Variants in PACRG observed in about 807,000 individuals in gnomAD.
PACRG encodes parkin coregulated.
In PACRG, 29 loss-of-function variants were observed where a neutral mutation model predicts 29.7. The observed-to-expected ratio is 0.98, with a 90% CI of 0.73 to 1.33. PACRG has a LOEUF of 1.33. Ranked by LOEUF, PACRG falls within the 40% of genes most tolerant of loss-of-function variation. The pLI, the probability that PACRG is intolerant of heterozygous loss-of-function variation, is 0.00. For synonymous variants in PACRG, 116 were observed against 118.7 expected, an observed-to-expected ratio of 0.98 and a Z score of 0.15; for missense variants, 279 against 316.2, an observed-to-expected ratio of 0.88 and a Z score of 0.89.
At chr6:163,013,902 T>C (rs1805848893) in intron 2 of PACRG, among the ~76,000 whole-genome samples, 1 of 152,016 alleles carries the variant, frequency 6.6e-6, no homozygotes, top group African/African-American at 2.4e-5. Flanking sequence ...TGGCTTTTGG[T>C]TAATTTGAAA....
chr6:162,953,697 C>T (rs796353112), intron 2 of PACRG, among the ~76,000 whole-genome samples: 34 of 151,518 alleles, frequency 2.2e-4, no homozygotes, highest in African/African-American at 7.0e-4. Flanking sequence ...CCTAACCCCC[C>T]CACACTTTCT....
intron 2 of PACRG, among the ~76,000 whole-genome samples, chr6:162,824,582 C>T (rs1023260783): frequency 2.0e-5 from 3 of 152,106 alleles, no homozygotes; most frequent in South Asian, 4.1e-4. Context: ...GTCAGAGATT[C>T]GTGTCAAGAT....
At chr6:162,866,623 A>G (rs1792318189) in intron 2 of PACRG, among the ~76,000 whole-genome samples, 1 of 152,206 alleles carries the variant, frequency 6.6e-6, no homozygotes, top group Non-Finnish European at 1.5e-5. Flanking sequence ...AAGAAAAAAA[A>G]AAATCTCTAA....
chr6:162,728,143 T>G lies in PACRG; in HGVS notation c.-93T>G. 6.9e-7 allele frequency: 1 copy of G among 1,440,876 alleles called. No homozygotes were observed. The highest frequency in any genetic ancestry group is 9.4e-7 in the Non-Finnish European group (1 of 1,061,520). The allele number at this position is 1,440,876 out of a possible 1,614,324, so 89.3% of individuals were successfully genotyped here. A position where few individuals can be genotyped will look rare whatever the true frequency, so the allele number is the denominator to read the frequency against. ...TGAATTTCTACCATTATCGCGCCTT[T>G]TGATATTTTTTTCCAGACCTCCTGC... On this transcript the variant is annotated 5_prime_UTR_variant, in exon 1 of 5. Coordinates refer to ENST00000366888, the MANE Select transcript of PACRG (RefSeq NM_001080379.2).
chr6:163,307,598 C>T (rs1477147198), intron 4 of PACRG, among the ~76,000 whole-genome samples: 1 of 152,090 alleles, frequency 6.6e-6, no homozygotes, highest in Non-Finnish European at 1.5e-5. Flanking sequence ...CTTCGGTTTC[C>T]AAGAGAACAT....
At chr6:163,143,617 T>C (rs1777644068) in intron 4 of PACRG, among the ~76,000 whole-genome samples, 2 of 152,324 alleles carry the variant, frequency 1.3e-5, no homozygotes, top group Middle Eastern at 3.4e-3. Flanking sequence ...TTACTCTGTG[T>C]GTACATATAC....
intron 2 of PACRG, among the ~76,000 whole-genome samples, chr6:163,016,755 T>C (rs1175695463): frequency 6.6e-6 from 1 of 152,052 alleles, no homozygotes; most frequent in Non-Finnish European, 1.5e-5. Flanking sequence ...AACTCTACAG[T>C]AGTTATTCAG....
At chr6:162,921,913 G>GC (rs1055120052) in intron 2 of PACRG, among the ~76,000 whole-genome samples, 1 of 152,048 alleles carries the variant, frequency 6.6e-6, no homozygotes, top group Non-Finnish European at 1.5e-5. Context: ...AAAGCCAGAG[G>GC]CCCCCCTCAC....
intron 4 of PACRG, among the ~76,000 whole-genome samples, chr6:163,170,244 C>T (rs1779008692): frequency 6.6e-6 from 1 of 152,054 alleles, no homozygotes; most frequent in Non-Finnish European, 1.5e-5. Context: ...GAGCGGGGAA[C>T]AAGAGGTCCC....
chr6:162,863,143 C>A (rs573655690), intron 2 of PACRG, among the ~76,000 whole-genome samples: 1 of 152,200 alleles, frequency 6.6e-6, no homozygotes, highest in Non-Finnish European at 1.5e-5. Flanking sequence ...GAGGGCAGCC[C>A]CTGGGCTTCA....
chr6:163,190,391 T>C (rs908708542), intron 4 of PACRG: 1 of 152,142 alleles, frequency 6.6e-6, no homozygotes. Flanking sequence ...GGTTTGAAAG[T>C]GAAAATAGAG....
chr6:162,839,115 C>G (rs1354026383), intron 2 of PACRG, among the ~76,000 whole-genome samples: 17 of 134,460 alleles, frequency 1.3e-4, no homozygotes, highest in East Asian at 6.8e-4. Flanking sequence ...CCCAGTAATG[C>G]GATGGCTGGG....
intron 4 of PACRG, among the ~76,000 whole-genome samples, chr6:163,234,885 G>C (rs1782174743): frequency 6.6e-6 from 1 of 152,196 alleles, no homozygotes; most frequent in Non-Finnish European, 1.5e-5. Context: ...TTGAGGAAGA[G>C]AGCAAGTACA....
intron 2 of PACRG, chr6:162,957,494 A>G (rs570605285): frequency 5.9e-5 from 25 of 423,308 alleles, no homozygotes; most frequent in African/African-American, 4.4e-4. Flanking sequence ...AAGGTAGTCA[A>G]TTCTATTACA....
intron 4 of PACRG, among the ~76,000 whole-genome samples, chr6:163,133,376 T>C (rs1816809609): frequency 6.6e-6 from 1 of 152,146 alleles, no homozygotes; most frequent in African/African-American, 2.4e-5. Flanking sequence ...CAAGGAGAAA[T>C]GTGTACCTGA....
At chr6:163,041,126 A>C (rs898866424) in intron 2 of PACRG, among the ~76,000 whole-genome samples, 1 of 152,132 alleles carries the variant, frequency 6.6e-6, no homozygotes, top group East Asian at 1.9e-4. Context: ...TCACGAGGTC[A>C]GGAGATTGAG....
At chr6:162,934,343 A>T (rs1798088110) in intron 2 of PACRG, among the ~76,000 whole-genome samples, 1 of 152,152 alleles carries the variant, frequency 6.6e-6, no homozygotes, top group Non-Finnish European at 1.5e-5. Context: ...ACTCTTCATG[A>T]GGGATCTGCA....
chr6:163,244,093 G>A (rs570685038), intron 4 of PACRG, among the ~76,000 whole-genome samples: 1 of 152,352 alleles, frequency 6.6e-6, no homozygotes, highest in South Asian at 2.1e-4. Context: ...TCACAAAGAC[G>A]AATAATTTCA....
intron 1 of PACRG, among the ~76,000 whole-genome samples, chr6:162,802,806 C>G (rs113846774): frequency 6.6e-6 from 1 of 152,130 alleles, no homozygotes; most frequent in East Asian, 1.9e-4. Flanking sequence ...AAAATGGTCT[C>G]TCTCACTTGT....
Sources: allele counts gnomAD v4.1 joint callset (sites outside exome capture counted in the v4.1 genomes callset), GRCh38; gene constraint gnomAD v4.1.1; transcripts MANE v1.5; gene names NCBI Gene and HGNC (gene_info 2026-07-23, HGNC 2026-07-21).